The following PHTF2 variants were observed in gnomAD, a reference collection of about 807,000 sequenced individuals.
The protein encoded by PHTF2 is protein PHTF2.
PHTF2 carries 60 observed loss-of-function variants against 101.2 expected under a neutral mutation model. The ratio of observed to expected loss-of-function variants is 0.59; its 90% CI spans 0.48 to 0.73. The LOEUF is 0.73. Ranked by LOEUF, PHTF2 falls within the 30% of genes least tolerant of loss-of-function variation. The pLI is 0.00. For synonymous variants in PHTF2, 311 were observed against 307.3 expected, an observed-to-expected ratio of 1.01 and a Z score of -0.13; for missense variants, 747 against 908.7, an observed-to-expected ratio of 0.82 and a Z score of 2.29.
chr7:77,938,645 C>T lies in PHTF2; in HGVS notation c.1467+807C>T, dbSNP rs572530122. 2.6e-3 allele frequency among the ~76,000 whole-genome samples: 389 copies of T among 152,140 alleles called. 2 individuals carry two copies. Among genetic ancestry groups the T allele is most frequent in the Admixed American group, 8.6e-3 (131 of 15,278 alleles). ...ACAAAAAATTAGCCGGGCGTGGTGG[C>T]GGGCGCCTGTAGTCCCAGCTACTCG... On this transcript the variant is annotated intron_variant, in intron 13 of 19. Coordinates refer to ENST00000416283, the Ensembl canonical transcript of PHTF2.
intron 1 of PHTF2, among the ~76,000 whole-genome samples, chr7:77,818,137 G>C (rs1019253198): frequency 6.6e-6 from 1 of 151,660 alleles, no homozygotes; most frequent in African/African-American, 2.4e-5. Flanking sequence ...AACAGTTTGA[G>C]TTCCTTGTAT....
At chr7:77,910,344 A>T (rs1344001379) in exon 9 of PHTF2, 2 of 1,613,732 alleles carry the variant, frequency 1.2e-6, no homozygotes, top group Non-Finnish European at 1.7e-6. Context: ...ACCACGGTAC[A>T]AGCACCTCTC....
At chr7:77,864,780 CT>C (rs1045535444) in intron 3 of PHTF2, among the ~76,000 whole-genome samples, 140 of 146,450 alleles carry the variant, frequency 9.6e-4, no homozygotes, top group African/African-American at 2.3e-3. Flanking sequence ...TGGTATAGCG[CT>C]TTTTTTTTTT....
At chr7:77,954,610 GTGTATATATATATATATA>G (rs1490197484) in intron 19 of PHTF2, among the ~76,000 whole-genome samples, 11 of 82,534 alleles carry the variant, frequency 1.3e-4, no homozygotes, top group Admixed American at 4.8e-4. Flanking sequence ...AACAAGTACT[GTGTATATATATATATATA>G]TATATATATA....
At chr7:77,942,904 C>A (rs974349881) in intron 16 of PHTF2, 118 bp downstream of exon 15, 2 of 543,986 alleles carry the variant, frequency 3.7e-6, no homozygotes, top group Admixed American at 3.7e-5. Flanking sequence ...TTTGAAGTTA[C>A]CTTTTTGCAG....
chr7:77,869,518 A>T (rs1798351279), intron 3 of PHTF2, among the ~76,000 whole-genome samples: 1 of 152,166 alleles, frequency 6.6e-6, no homozygotes, highest in African/African-American at 2.4e-5. Context: ...TGACTGGCTT[A>T]TTTCATTTAA....
At chr7:77,919,275 T>G (rs1562949439) in intron 9 of PHTF2, among the ~76,000 whole-genome samples, 1 of 152,160 alleles carries the variant, frequency 6.6e-6, no homozygotes, top group Non-Finnish European at 1.5e-5. Context: ...GTGTTAAAAC[T>G]AATGTGGGGT....
chr7:77,879,600 T>C (rs1305447481), intron 3 of PHTF2, among the ~76,000 whole-genome samples: 1 of 152,228 alleles, frequency 6.6e-6, no homozygotes, highest in Non-Finnish European at 1.5e-5. Context: ...CCTGGGTAAT[T>C]GGCATATTTT....
chr7:77,834,415 A>G (rs1403311688), intron 1 of PHTF2, among the ~76,000 whole-genome samples: 4 of 152,110 alleles, frequency 2.6e-5, no homozygotes, highest in African/African-American at 9.7e-5. Context: ...TTGATTGGCT[A>G]TACATTGTTC....
chr7:77,851,474 T>TA (rs1270685942), intron 2 of PHTF2, among the ~76,000 whole-genome samples: 2 of 152,186 alleles, frequency 1.3e-5, no homozygotes, highest in African/African-American at 2.4e-5. Context: ...TCTCTAATTA[T>TA]ATTTATTTGT....
chr7:77,813,213 G>T (rs976763428), intron 1 of PHTF2, among the ~76,000 whole-genome samples: 1 of 152,200 alleles, frequency 6.6e-6, no homozygotes, highest in Non-Finnish European at 1.5e-5. Flanking sequence ...GATAAGAGAT[G>T]TGCAAAAACT....
At chr7:77,826,613 A>G (rs1335217848) in intron 1 of PHTF2, among the ~76,000 whole-genome samples, 3 of 152,216 alleles carry the variant, frequency 2.0e-5, no homozygotes, top group Non-Finnish European at 4.4e-5. Context: ...TTTCCCAACT[A>G]CAAGTACTAC....
intron 1 of PHTF2, among the ~76,000 whole-genome samples, chr7:77,832,823 A>G (rs1405351351): frequency 6.6e-6 from 1 of 152,028 alleles, no homozygotes; most frequent in Non-Finnish European, 1.5e-5. Context: ...TAATGTAATA[A>G]TAATAGAAAT....
At chr7:77,801,017 G>C (rs961923936) in intron 1 of PHTF2, among the ~76,000 whole-genome samples, 16 of 152,192 alleles carry the variant, frequency 1.1e-4, no homozygotes, top group African/African-American at 3.6e-4. Context: ...AAATAACACT[G>C]CAAAACCGTA....
chr7:77,840,817 A>G (rs559572056), intron 2 of PHTF2, among the ~76,000 whole-genome samples: 79 of 152,194 alleles, frequency 5.2e-4, no homozygotes, highest in African/African-American at 1.8e-3. Flanking sequence ...AGCTTTACCA[A>G]TGTAATGTTT....
At chr7:77,940,955 C>G (rs1211919716) in intron 15 of PHTF2, among the ~76,000 whole-genome samples, 1 of 152,002 alleles carries the variant, frequency 6.6e-6, no homozygotes, top group Admixed American at 6.6e-5. Flanking sequence ...CATTATTTTC[C>G]TTTAATCTTT....
intron 3 of PHTF2, among the ~76,000 whole-genome samples, chr7:77,870,706 C>T (rs1798445616): frequency 6.6e-6 from 1 of 152,170 alleles, no homozygotes; most frequent in Non-Finnish European, 1.5e-5. Flanking sequence ...TATTAAGCAT[C>T]ACAAGTCCAC....
chr7:77,903,276 A>AT (rs563169349), intron 7 of PHTF2, among the ~76,000 whole-genome samples: 9 of 151,990 alleles, frequency 5.9e-5, no homozygotes, highest in Non-Finnish European at 1.3e-4. Context: ...AATTTTTATC[A>AT]TTTTCTTGTT....
chr7:77,893,639 A>T, exon 4 of PHTF2: 1 of 1,436,060 alleles, frequency 7.0e-7, no homozygotes. Context: ...ATATGGGAAA[A>T]ATCTGTTGAA....
Sources: gnomAD v4.1 joint callset for allele counts (sites outside exome capture counted in the v4.1 genomes callset) on GRCh38, gnomAD v4.1.1 for gene constraint, MANE v1.5 for transcripts, NCBI Gene and HGNC (gene_info 2026-07-23, HGNC 2026-07-21) for gene names.